Variants in CHST8 observed in about 807,000 individuals in gnomAD.
The protein encoded by CHST8 is GALNAC-4-ST1.
A neutral mutation model predicts 15.0 loss-of-function variants in CHST8; 10 were observed. The ratio of observed to expected loss-of-function variants is 0.67; its 90% CI spans 0.41 to 1.13. The LOEUF (loss-of-function observed/expected upper bound fraction) is 1.13, where lower values mean the gene tolerates loss of function less well. CHST8 is among the 50% of genes most tolerant of loss of function. The pLI is 0.00. For synonymous variants in CHST8, 259 were observed against 256.6 expected (o/e 1.01, Z -0.09); for missense variants, 634 against 608.2 (o/e 1.04, Z -0.45).
intron 1 of CHST8, among the ~76,000 whole-genome samples, chr19:33,655,956 A>G (rs1342684855): frequency 2.0e-5 from 3 of 152,218 alleles, no homozygotes; most frequent in South Asian, 4.1e-4. Context: ...TAAGTTGAAC[A>G]TCTGTCCAGG....
At chr19:33,700,718 A>G (rs1023197821) in intron 3 of CHST8, among the ~76,000 whole-genome samples, 7 of 152,082 alleles carry the variant, frequency 4.6e-5, no homozygotes, top group African/African-American at 9.7e-5. Context: ...ATTATGCACA[A>G]TTGGAGGTGG....
intron 1 of CHST8, among the ~76,000 whole-genome samples, chr19:33,645,674 C>T (rs1972345385): frequency 6.6e-6 from 1 of 152,140 alleles, no homozygotes; most frequent in Admixed American, 6.5e-5. Context: ...ATGTCCAGTA[C>T]ACATGCAATG....
At chr19:33,771,651 G>A (rs564772614) in intron 4 of CHST8, among the ~76,000 whole-genome samples, 3 of 152,154 alleles carry the variant, frequency 2.0e-5, no homozygotes, top group Non-Finnish European at 4.4e-5. Context: ...TTCTTTGCAC[G>A]GTGCTAATAG....
At chr19:33,682,124 G>A (rs1972899357) in intron 2 of CHST8, among the ~76,000 whole-genome samples, 1 of 151,646 alleles carries the variant, frequency 6.6e-6, no homozygotes, top group Admixed American at 6.6e-5. Flanking sequence ...CAAAAGTGCT[G>A]GGATTATAGG....
intron 3 of CHST8, among the ~76,000 whole-genome samples, chr19:33,702,693 C>G (rs1319084696): frequency 6.6e-6 from 1 of 152,220 alleles, no homozygotes; most frequent in Non-Finnish European, 1.5e-5. Context: ...AGAGGACCCC[C>G]GAGGGGGATG....
At position 33,657,156 on chromosome 19, in the gene CHST8, C is replaced by CACACACACACACACAA. The variant is rs756944119; in HGVS notation, c.-163-10610_-163-10609insCACACACACACACAAA. Reference sequence around the variant, plus strand: ...ACACACACACACACACACACACACACAAACACACATATACTTATACACACA... The same window carrying CACACACACACACACAA: ...ACACACACACACACACACACACACACACACACACACACACAAAAACACACATATACTTATACACACA... On this transcript the variant is annotated intron_variant, in intron 1 of 4. Transcript: ENST00000650847. Among the ~76,000 whole-genome samples the CACACACACACACACAA allele has an allele frequency of 3.9e-4, 57 of 146,520 alleles. 1 individual carries two copies. Among genetic ancestry groups the CACACACACACACACAA allele is most frequent in the Middle Eastern group, 6.8e-3 (2 of 292 alleles).
intron 3 of CHST8, among the ~76,000 whole-genome samples, chr19:33,714,262 AAG>A (rs1287099780): frequency 6.6e-6 from 1 of 152,314 alleles, no homozygotes; most frequent in East Asian, 1.9e-4. Flanking sequence ...AATGTCCACC[AAG>A]AGAGAATTCG....
intron 1 of CHST8, among the ~76,000 whole-genome samples, chr19:33,641,670 AG>A (rs1363625841): frequency 6.8e-6 from 1 of 147,232 alleles, no homozygotes; most frequent in African/African-American, 2.5e-5. Context: ...TGGACAGCCC[AG>A]GGTGGAAAAT....
At chr19:33,671,035 G>C (rs775560004) in intron 2 of CHST8, among the ~76,000 whole-genome samples, 6 of 152,088 alleles carry the variant, frequency 3.9e-5, no homozygotes, top group Non-Finnish European at 8.8e-5. Context: ...AGTCATCACT[G>C]TATGTTCCAT....
chr19:33,683,935 T>C (rs1972931685), intron 2 of CHST8, among the ~76,000 whole-genome samples: 1 of 152,198 alleles, frequency 6.6e-6, no homozygotes, highest in South Asian at 2.1e-4. Context: ...TCAGTTTCTT[T>C]ACATGCAGAA....
At chr19:33,757,508 AAGAAAGAAAGAAAGAG>A in intron 3 of CHST8, among the ~76,000 whole-genome samples, 1 of 46,274 alleles carries the variant, frequency 2.2e-5, no homozygotes, top group Non-Finnish European at 4.5e-5. Flanking sequence ...GAAAGAAAGA[AAGAAAGAAAGAAAGAG>A]AAAGAAAGAA....
intron 3 of CHST8, among the ~76,000 whole-genome samples, chr19:33,727,576 G>A (rs1973924702): frequency 6.6e-6 from 1 of 152,204 alleles, no homozygotes; most frequent in African/African-American, 2.4e-5. Flanking sequence ...ATCTTGTCGC[G>A]CCTGGCTTTA....
intron 1 of CHST8, among the ~76,000 whole-genome samples, chr19:33,632,319 G>GT (rs1382344116): frequency 1.3e-5 from 2 of 151,782 alleles, no homozygotes; most frequent in Non-Finnish European, 2.9e-5. Flanking sequence ...TTGTTTGTTT[G>GT]TTTTTTGGTA....
intron 3 of CHST8, among the ~76,000 whole-genome samples, chr19:33,734,615 G>C (rs748155920): frequency 6.6e-6 from 1 of 152,136 alleles, no homozygotes; most frequent in Admixed American, 6.5e-5. Context: ...CCCTGCCATC[G>C]TTGTCCCAAC....
In CHST8 at chr19:33,676,640, C is replaced by G. The variant is rs140589842; in HGVS notation, c.-87+8797C>G. Among the ~76,000 whole-genome samples, 35 of 152,206 alleles carry G rather than the reference C, an allele frequency of 2.3e-4. No individual in the cohort carries two copies. In the East Asian group the frequency reaches 5.8e-3, roughly 25 times the overall value. On this transcript the variant is annotated intron_variant, in intron 2 of 4. Coordinates refer to ENST00000650847, the MANE Select transcript of CHST8 (RefSeq NM_001127895.2). ...CCTGTCATTCCAGCACTTTAGGAGG[C>G]TGAGGCGGAAGGATTGCATGAGGCC...
chr19:33,678,017 G>A (rs777576354), intron 2 of CHST8, among the ~76,000 whole-genome samples: 13 of 152,164 alleles, frequency 8.5e-5, no homozygotes, highest in Non-Finnish European at 1.5e-4. Flanking sequence ...AATCAGAGCC[G>A]CACCGAGGGA....
chr19:33,730,096 C>A (rs139831183), intron 3 of CHST8, among the ~76,000 whole-genome samples: 1 of 152,138 alleles, frequency 6.6e-6, no homozygotes, highest in East Asian at 1.9e-4. Context: ...GGGTGTGCAT[C>A]GTCAAGACTT....
At chr19:33,728,336 G>A (rs528413917) in intron 3 of CHST8, among the ~76,000 whole-genome samples, 4 of 152,334 alleles carry the variant, frequency 2.6e-5, no homozygotes, top group East Asian at 3.9e-4. Context: ...CTTTTGGGGC[G>A]GCTTCTGTAG....
chr19:33,764,027 T>A (rs1203417277), intron 3 of CHST8, among the ~76,000 whole-genome samples: 1 of 152,192 alleles, frequency 6.6e-6, no homozygotes, highest in African/African-American at 2.4e-5. Context: ...CCTGTCTGCA[T>A]CTAGCCAGGG....
Sources: allele counts gnomAD v4.1 joint callset (sites outside exome capture counted in the v4.1 genomes callset), GRCh38; gene constraint gnomAD v4.1.1; transcripts MANE v1.5; gene names NCBI Gene and HGNC (gene_info 2026-07-23, HGNC 2026-07-21).